ANXA4: variants seen among roughly 807,000 people sequenced by gnomAD.
The protein encoded by ANXA4 is annexin A4.
ANXA4 carries 39 observed loss-of-function variants against 49.8 expected under a neutral mutation model. The ratio of observed to expected loss-of-function variants is 0.78; its 90% confidence interval spans 0.61 to 1.02. The LOEUF (loss-of-function observed/expected upper bound fraction) is 1.02. Among genes scored for constraint, ANXA4 ranks in the 50% least tolerant of loss-of-function variants. The pLI is 0.00. For missense variants in ANXA4, 360 were observed against 410.1 expected (o/e 0.88, Z 1.05); for synonymous variants, 134 against 152.5 (o/e 0.88, Z 0.89).
At chr2:69,813,075 C>A (rs971071853) in intron 8 of ANXA4, among the ~76,000 whole-genome samples, 10 of 152,286 alleles carry the variant, frequency 6.6e-5, no homozygotes, top group Non-Finnish European at 1.3e-4. Context: ...ACAGTGTATA[C>A]CCTGCTGGGT....
chr2:69,775,051 G>T (rs1671909891), intron 1 of ANXA4, among the ~76,000 whole-genome samples: 1 of 152,182 alleles, frequency 6.6e-6, no homozygotes, highest in Admixed American at 6.5e-5. Flanking sequence ...TTGAATAAAG[G>T]TTCTTCAGGA....
chr2:69,681,405 C>T (rs1344039310), intron 2 of ANXA4, among the ~76,000 whole-genome samples: 3 of 148,626 alleles, frequency 2.0e-5, no homozygotes, highest in Admixed American at 2.0e-4. Context: ...CACTCTGTTG[C>T]CCAGGCTGGA....
intron 1 of ANXA4, among the ~76,000 whole-genome samples, chr2:69,757,121 G>T (rs1298160409): frequency 6.7e-6 from 1 of 148,540 alleles, no homozygotes; most frequent in Admixed American, 6.7e-5. Context: ...TAGAGACGGG[G>T]TTTCACCATG....
At chr2:69,749,010 G>T (rs1426843140) in intron 1 of ANXA4, among the ~76,000 whole-genome samples, 1 of 152,128 alleles carries the variant, frequency 6.6e-6, no homozygotes, top group African/African-American at 2.4e-5. Flanking sequence ...ACTGTGCCTG[G>T]CCTACACCCT....
intron 12 of ANXA4, among the ~76,000 whole-genome samples, chr2:69,823,279 C>A (rs1347243296): frequency 6.7e-6 from 1 of 149,958 alleles, no homozygotes; most frequent in Non-Finnish European, 1.5e-5. Context: ...ACACACACAC[C>A]ACTAGAAAAG....
At chr2:69,671,703 A>T (rs1677196944) in intron 2 of ANXA4, among the ~76,000 whole-genome samples, 1 of 152,252 alleles carries the variant, frequency 6.6e-6, no homozygotes, top group African/African-American at 2.4e-5. Flanking sequence ...TGCCTGGGCG[A>T]TATAATGAGA....
intron 1 of ANXA4, among the ~76,000 whole-genome samples, chr2:69,770,558 G>A (rs1671664569): frequency 6.6e-6 from 1 of 152,146 alleles, no homozygotes; most frequent in African/African-American, 2.4e-5. Context: ...GTCAATGTTA[G>A]GAACCTGAAT....
Position 69,664,092 on chromosome 2 carries a change from A to G in ANXA4, n.766+10810A>G, listed in dbSNP as rs935765790. ...TTAAAGAATCCAGAATGAGAATGGC[A>G]TCTGATTTCTCAGTAGCAACACATG... On this transcript the variant is annotated intron_variant and non_coding_transcript_variant, in intron 2 of 3. Transcript: ENST00000418066. Among the ~76,000 whole-genome samples, 3 of 152,250 alleles carry G rather than the reference A, an allele frequency of 2.0e-5. No individual in the cohort carries two copies. The East Asian group carries it at 5.8e-4, about 29-fold the overall frequency.
At chr2:69,687,968 A>G (rs924189907) in intron 2 of ANXA4, among the ~76,000 whole-genome samples, 2 of 152,240 alleles carry the variant, frequency 1.3e-5, no homozygotes, top group African/African-American at 4.8e-5. Context: ...CAATACTTTT[A>G]TCACACTTAA....
chr2:69,647,543 G>A (rs1180714240), intron 1 of ANXA4, among the ~76,000 whole-genome samples: 1 of 151,818 alleles, frequency 6.6e-6, no homozygotes, highest in African/African-American at 2.4e-5. Context: ...CGAGTAGCGG[G>A]GACTACAGGT....
intron 6 of ANXA4, chr2:69,808,218 C>T: frequency 2.0e-6 from 1 of 511,584 alleles, no homozygotes; most frequent in Non-Finnish European, 3.5e-6. Context: ...TTTGCCTACC[C>T]AGTGCAGTAT....
intron 3 of ANXA4, among the ~76,000 whole-genome samples, chr2:69,801,360 G>A (rs1278848641): frequency 6.6e-6 from 1 of 151,870 alleles, no homozygotes; most frequent in African/African-American, 2.4e-5. Flanking sequence ...TGTTACAAGG[G>A]AAGTTCTGCC....
At chr2:69,678,766 T>C (rs1204987923) in intron 2 of ANXA4, among the ~76,000 whole-genome samples, 1 of 152,172 alleles carries the variant, frequency 6.6e-6, no homozygotes, top group Non-Finnish European at 1.5e-5. Flanking sequence ...AGACCTAATA[T>C]TCACGAGGCA....
In ANXA4 at chr2:69,788,108, G is replaced by C; in HGVS notation, c.64G>C (p.Ala22Pro). The change falls in exon 3 of 13, where the codon GCC (alanine) becomes CCC (proline). Residue 22 changes from alanine to proline, a missense_variant. By Grantham distance (27) the Ala-to-Pro change is conservative. Transcript: ENST00000394295. The stretch of plus-strand genomic sequence containing the variant: ...TTCAGGATTCAATGCCATGGAAGAT[G>C]CCCAGACCCTGAGGAAGGCCATGAA... Reference protein sequence around the residue: ...AASGFNAMEDAQTLRKAMKGL... With the variant: ...AASGFNAMEDPQTLRKAMKGL... 1 of 1,614,046 alleles carries C rather than the reference G, an allele frequency of 6.2e-7. No homozygotes were observed.
chr2:69,751,532 A>G (rs1206827607), intron 1 of ANXA4, among the ~76,000 whole-genome samples: 1 of 150,500 alleles, frequency 6.6e-6, no homozygotes, highest in Non-Finnish European at 1.5e-5. Flanking sequence ...AAAAAAATAC[A>G]AAGTGGGGAA....
rs563057700 is a variant in ANXA4 at position 69,760,056 on chromosome 2, T to C, written c.-47+17881T>C. Among the ~76,000 whole-genome samples the C allele has an allele frequency of 2.1e-4, 32 of 152,244 alleles. No homozygotes were observed. The East Asian group carries it at 5.0e-3, about 24-fold the overall frequency. On this transcript the variant is annotated intron_variant, in intron 1 of 12. Transcript: ENST00000394295. Reference sequence around the variant, plus strand: ...ACCGTGTTAGCCAGGATGGTCTCTATCTCCTGACCTCGTGATCCACCCGCC... The same window carrying C: ...ACCGTGTTAGCCAGGATGGTCTCTACCTCCTGACCTCGTGATCCACCCGCC...
intron 1 of ANXA4, among the ~76,000 whole-genome samples, chr2:69,776,255 C>T (rs193302024): frequency 3.3e-5 from 5 of 152,202 alleles, no homozygotes; most frequent in Non-Finnish European, 5.9e-5. Flanking sequence ...GAATTACAGG[C>T]GTGAGCCACC....
In ANXA4 at chr2:69,804,589, CAGG is replaced by C; in HGVS notation, c.157_159del (p.Glu53del). ...TGCCTACCGCAACACCGCCCAGCGC[CAGG>C]AGATCAGGACAGCCTACAAGAGCAC... On this transcript the variant is annotated inframe_deletion, in exon 4 of 13. Transcript: ENST00000394295. 6.2e-7 allele frequency: 1 copy of C among 1,613,898 alleles called. No homozygotes were observed. The highest frequency in any genetic ancestry group is 8.5e-7 in the Non-Finnish European group (1 of 1,179,914).
chr2:69,718,412 C>T (rs1302112539), intron 2 of ANXA4, among the ~76,000 whole-genome samples: 1 of 152,164 alleles, frequency 6.6e-6, no homozygotes, highest in Non-Finnish European at 1.5e-5. Flanking sequence ...ATGTAATACA[C>T]CAGCCAGGAA....
Sources: allele counts gnomAD v4.1 joint callset (sites outside exome capture counted in the v4.1 genomes callset), GRCh38; gene constraint gnomAD v4.1.1; transcripts MANE v1.5; gene names NCBI Gene and HGNC (gene_info 2026-07-23, HGNC 2026-07-21).